NBEAL1: variants seen among roughly 807,000 people sequenced by gnomAD.
NBEAL1 encodes neurobeachin like 1.
In NBEAL1, 273 loss-of-function variants were observed where a neutral mutation model predicts 351.3. The observed-to-expected ratio is 0.78, with a 90% confidence interval of 0.70 to 0.86. The LOEUF is 0.86. NBEAL1 is among the 40% of genes least tolerant of loss of function. NBEAL1 has a pLI of 0.00. For missense variants in NBEAL1, 2,961 were observed against 3,201.3 expected, an observed-to-expected ratio of 0.92 and a Z score of 1.81; for synonymous variants, 1,050 against 1,086.4, an observed-to-expected ratio of 0.97 and a Z score of 0.66.
chr2:203,130,934 TATAAA>T, intron 25 of NBEAL1, among the ~76,000 whole-genome samples: 1 of 152,340 alleles, frequency 6.6e-6, no homozygotes, highest in East Asian at 1.9e-4. Flanking sequence ...ATCAGTAACT[TATAAA>T]ATAAATAGAA....
intron 51 of NBEAL1, among the ~76,000 whole-genome samples, chr2:203,205,502 CA>C (rs2065527507): frequency 6.6e-6 from 1 of 152,140 alleles, no homozygotes; most frequent in Non-Finnish European, 1.5e-5. Context: ...ATGTTCTTTA[CA>C]GCTGTTTTTC....
chr2:203,041,233 C>G (rs1479180024), intron 2 of NBEAL1, among the ~76,000 whole-genome samples: 3 of 152,142 alleles, frequency 2.0e-5, no homozygotes, highest in African/African-American at 7.2e-5. Context: ...CTAAGACTCC[C>G]ACAGCAATGG....
At chr2:203,087,140 C>A (rs1237695930) in intron 10 of NBEAL1, among the ~76,000 whole-genome samples, 1 of 137,146 alleles carries the variant, frequency 7.3e-6, no homozygotes, top group African/African-American at 2.8e-5. Flanking sequence ...GTCGCCCAGG[C>A]TAGAGTGCAG....
intron 42 of NBEAL1, among the ~76,000 whole-genome samples, chr2:203,179,206 G>T (rs1456291218): frequency 6.6e-6 from 1 of 152,114 alleles, no homozygotes; most frequent in Admixed American, 6.5e-5. Context: ...AAACAGAAGG[G>T]ATTTATACTG....
At chr2:203,137,155 AG>A (rs2063233487) in intron 29 of NBEAL1, among the ~76,000 whole-genome samples, 1 of 152,210 alleles carries the variant, frequency 6.6e-6, no homozygotes, top group Non-Finnish European at 1.5e-5. Context: ...TGAAGGATTT[AG>A]GGTTCCTTGT....
chr2:203,141,935 C>T (rs2063392459), intron 31 of NBEAL1, among the ~76,000 whole-genome samples: 1 of 152,182 alleles, frequency 6.6e-6, no homozygotes. Context: ...ACTAAGATTT[C>T]CCAGCTTCTT....
Position 203,208,703 on chromosome 2 carries a change from CT to C in NBEAL1, c.7574del (p.Leu2525ArgfsTer9). On this transcript the variant is annotated frameshift_variant, in exon 52 of 56. Transcript: ENST00000683969. LOFTEE classifies it high-confidence loss of function. Reference protein sequence around the residue: ...QILYGHTNEVLSVGISTELDM... With the variant: ...QILYGHTNEVXSVGISTELDM... ...TCTTTATGGACACACCAACGAGGTACTGAGTGTCGGCATCAGCACTGAGCTA... is the reference window on the plus strand; with the variant it reads ...TCTTTATGGACACACCAACGAGGTACGAGTGTCGGCATCAGCACTGAGCTA... The C allele has an allele frequency of 6.2e-7, 1 of 1,612,598 alleles. No homozygotes were observed. Among genetic ancestry groups the C allele is most frequent in the Non-Finnish European group, 8.5e-7 (1 of 1,179,646 alleles).
At chr2:203,164,642 T>A (rs1028439364) in intron 36 of NBEAL1, among the ~76,000 whole-genome samples, 3 of 152,070 alleles carry the variant, frequency 2.0e-5, no homozygotes, top group Non-Finnish European at 4.4e-5. Flanking sequence ...AATTATTTTT[T>A]AAAAAAAGAA....
At chr2:203,133,642 A>G (rs951489647) in intron 27 of NBEAL1, among the ~76,000 whole-genome samples, 2 of 151,480 alleles carry the variant, frequency 1.3e-5, no homozygotes, top group Non-Finnish European at 2.9e-5. Flanking sequence ...CCATTGACCT[A>G]TTTAATTTGC....
intron 36 of NBEAL1, among the ~76,000 whole-genome samples, chr2:203,159,779 TA>T (rs1271641789): frequency 1.3e-5 from 2 of 152,196 alleles, no homozygotes; most frequent in Non-Finnish European, 2.9e-5. Context: ...GATCATATGA[TA>T]ATTCTGTTTG....
At chr2:203,212,653 T>A (rs1477695430) in intron 54 of NBEAL1, among the ~76,000 whole-genome samples, 1 of 151,914 alleles carries the variant, frequency 6.6e-6, no homozygotes. Context: ...AATATTTGTG[T>A]ACTGTTGTGA....
At chr2:203,054,586 T>C (rs2061376848) in intron 4 of NBEAL1, among the ~76,000 whole-genome samples, 1 of 152,148 alleles carries the variant, frequency 6.6e-6, no homozygotes, top group African/African-American at 2.4e-5. Context: ...TTTTTCTTTT[T>C]CTTTTTCTTT....
rs767822414 is a variant in NBEAL1, at chr2:203,169,763, A to G, written c.6014A>G (p.Tyr2005Cys). 140 of 1,604,742 alleles carry G rather than the reference A, an allele frequency of 8.7e-5. 1 individual carries two copies. The highest frequency in any genetic ancestry group is 6.5e-4 in the Admixed American group (38 of 58,218). ...NFKKEVRNKI[Y>C]SRLLSLHSPN... Reference sequence around the variant, plus strand: ...TTTTTATAGGTTAGAAACAAAATATATAGCCGACTGTTGTCACTTCATTCC... The same window carrying G: ...TTTTTATAGGTTAGAAACAAAATATGTAGCCGACTGTTGTCACTTCATTCC... The change falls in exon 39 of 56, where the codon TAT becomes TGT. Residue 2005 changes from tyrosine (Y) to cysteine (C), a missense_variant. By Grantham distance (194) the Tyr-to-Cys change is radical (BLOSUM62 -2). Transcript: ENST00000683969.
At chr2:203,022,295 A>G (rs2060785200) in intron 2 of NBEAL1, among the ~76,000 whole-genome samples, 1 of 152,220 alleles carries the variant, frequency 6.6e-6, no homozygotes, top group African/African-American at 2.4e-5. Flanking sequence ...GAGTAAAAAC[A>G]TACAAAGTGA....
At position 203,032,458 on chromosome 2, in the gene NBEAL1, C is replaced by T. The variant is rs780780114; in HGVS notation, c.52-9307C>T. On this transcript the variant is annotated intron_variant, in intron 2 of 55. Transcript: ENST00000683969. ...AGATCATGGGGTCAGGAGATCAAGA[C>T]AATCCTGGCTAACACGGTGAAACCC... Among the ~76,000 whole-genome samples, 6 of 151,700 alleles carry T rather than the reference C, an allele frequency of 4.0e-5. No homozygotes were observed. The South Asian group carries it at 1.0e-3, about 26-fold the overall frequency.
At chr2:203,120,311 T>C (rs2106268193) in intron 18 of NBEAL1, among the ~76,000 whole-genome samples, 1 of 152,344 alleles carries the variant, frequency 6.6e-6, no homozygotes, top group African/African-American at 2.4e-5. Flanking sequence ...CTTAGACTCA[T>C]AATTCCATTG....
At chr2:203,016,475 T>C in intron 2 of NBEAL1, 40 bp downstream of exon 2, 1 of 1,297,976 alleles carries the variant, frequency 7.7e-7, no homozygotes, top group South Asian at 1.7e-5. Context: ...TTAAAATACT[T>C]TATTATAAAA....
At chr2:203,054,023 T>A (rs1020854735) in intron 4 of NBEAL1, among the ~76,000 whole-genome samples, 2 of 151,310 alleles carry the variant, frequency 1.3e-5, no homozygotes, top group African/African-American at 4.9e-5. Context: ...TGATCATGGC[T>A]CACTACAGCC....
intron 2 of NBEAL1, chr2:203,040,297 TG>T: frequency 1.3e-6 from 1 of 759,600 alleles, no homozygotes; most frequent in South Asian, 1.4e-5. Context: ...GAGGCAGAAA[TG>T]TGACAAGGTG....
Sources: allele counts gnomAD v4.1 joint callset (sites outside exome capture counted in the v4.1 genomes callset), GRCh38; gene constraint gnomAD v4.1.1; transcripts MANE v1.5; gene names NCBI Gene and HGNC (gene_info 2026-07-23, HGNC 2026-07-21).